Variants in NPEPPS observed in about 807,000 individuals in gnomAD.
The protein encoded by NPEPPS is puromycin-sensitive aminopeptidase.
A neutral mutation model predicts 115.5 loss-of-function variants in NPEPPS; 14 were observed. The observed-to-expected ratio is 0.12, with a 90% CI of 0.08 to 0.19. The LOEUF is 0.19. Among genes scored for constraint, NPEPPS ranks in the 10% least tolerant of loss-of-function variants. The pLI, the probability that NPEPPS is intolerant of heterozygous loss-of-function variation, is 1.00. For missense variants in NPEPPS, 523 were observed against 1,110.8 expected, an observed-to-expected ratio of 0.47 and a Z score of 7.52; for synonymous variants, 285 against 390.6, an observed-to-expected ratio of 0.73 and a Z score of 3.19.
chr17:47,615,043 TACCCATG>T (rs1914105242), intron 19 of NPEPPS, among the ~76,000 whole-genome samples: 1 of 151,610 alleles, frequency 6.6e-6, no homozygotes, highest in East Asian at 1.9e-4. Context: ...TGTACTGCTT[TACCCATG>T]TTGTAATAGG....
chr17:47,552,805 T>C (rs1909739592), intron 2 of NPEPPS, among the ~76,000 whole-genome samples: 1 of 152,194 alleles, frequency 6.6e-6, no homozygotes, highest in Admixed American at 6.6e-5. Flanking sequence ...TTAATAGTGA[T>C]AATTATAAAA....
chr17:47,535,242 C>CAAAA lies in NPEPPS; in HGVS notation c.255+3711_255+3714dup, dbSNP rs1163530675. 8.2e-4 allele frequency among the ~76,000 whole-genome samples: 47 copies of CAAAA among 57,108 alleles called. 1 individual carries two copies. The highest frequency in any genetic ancestry group is 5.8e-3 in the East Asian group (10 of 1,732). The allele number at this position is 57,108 out of a possible 152,430, so 37.5% of individuals were successfully genotyped here. A position where few individuals can be genotyped will look rare whatever the true frequency, so the allele number is the denominator to read the frequency against. On this transcript the variant is annotated intron_variant, in intron 1 of 22. Coordinates refer to ENST00000322157, the MANE Select transcript of NPEPPS (RefSeq NM_006310.4). ...TGGGCAACAGAGCAAGACTCTGTCTCAAAAAAAAAAAAAAAAAAAAAAAAA... is the reference window on the plus strand; with the variant it reads ...TGGGCAACAGAGCAAGACTCTGTCTCAAAAAAAAAAAAAAAAAAAAAAAAAAAAA...
At chr17:47,536,388 C>CTTTTT (rs749380530) in intron 1 of NPEPPS, among the ~76,000 whole-genome samples, 99 of 69,930 alleles carry the variant, frequency 1.4e-3, no homozygotes, top group Non-Finnish European at 2.3e-3. Context: ...TATTTTCTCT[C>CTTTTT]TTTTTTTTTT....
chr17:47,622,927 A>G lies in NPEPPS; in HGVS notation c.*1007A>G. The G allele has an allele frequency of 2.2e-6, 1 of 456,044 alleles. No homozygotes were observed. Among genetic ancestry groups the G allele is most frequent in the South Asian group, 1.5e-5 (1 of 64,564 alleles). The allele number at this position is 456,044 out of a possible 1,614,324, so 28.2% of individuals were successfully genotyped here. A position where few individuals can be genotyped will look rare whatever the true frequency, so the allele number is the denominator to read the frequency against. Reference sequence around the variant, plus strand: ...TTATGCGTGCGAGAAGTCAGTGGTAACTGCTGCAGGGCTTAATACATTAGT... The same window carrying G: ...TTATGCGTGCGAGAAGTCAGTGGTAGCTGCTGCAGGGCTTAATACATTAGT... On this transcript the variant is annotated 3_prime_UTR_variant, in exon 23 of 23. Transcript: ENST00000322157.
intron 1 of NPEPPS, among the ~76,000 whole-genome samples, chr17:47,534,165 C>T (rs1055731478): frequency 2.0e-5 from 3 of 151,950 alleles, no homozygotes; most frequent in South Asian, 2.1e-4. Context: ...GATCTCGCCT[C>T]ACTGCAAGCT....
intron 12 of NPEPPS, chr17:47,592,764 T>C (rs1912589469): frequency 2.2e-6 from 1 of 452,650 alleles, no homozygotes; most frequent in Non-Finnish European, 4.1e-6. Context: ...TTCTTTCTTT[T>C]TTTTAATTAA....
At chr17:47,600,949 G>T (rs1443450649) in intron 14 of NPEPPS, among the ~76,000 whole-genome samples, 2 of 152,120 alleles carry the variant, frequency 1.3e-5, no homozygotes, top group African/African-American at 2.4e-5. Context: ...AAGGCTGGGC[G>T]CAGTGGCTTA....
chr17:47,606,655 C>T (rs1156590900), intron 17 of NPEPPS, among the ~76,000 whole-genome samples: 1 of 151,992 alleles, frequency 6.6e-6, no homozygotes, highest in Non-Finnish European at 1.5e-5. Flanking sequence ...GTTGGCCAGG[C>T]TGGTCTTGAA....
intron 2 of NPEPPS, among the ~76,000 whole-genome samples, chr17:47,550,222 C>T (rs1463261637): frequency 6.6e-6 from 1 of 151,914 alleles, no homozygotes; most frequent in South Asian, 2.1e-4. Flanking sequence ...TGTGAGCCAC[C>T]GTGCCTAGCC....
intron 2 of NPEPPS, among the ~76,000 whole-genome samples, chr17:47,550,931 T>C (rs1393702082): frequency 1.3e-5 from 2 of 152,064 alleles, no homozygotes; most frequent in East Asian, 3.9e-4. Flanking sequence ...CCCGGCCCAG[T>C]TATACCAGAT....
intron 1 of NPEPPS, among the ~76,000 whole-genome samples, chr17:47,544,018 C>T (rs1332486306): frequency 2.8e-4 from 42 of 152,160 alleles, no homozygotes; most frequent in African/African-American, 1.0e-3. Flanking sequence ...CCTCAGCCTC[C>T]CGAGTAGCTG....
chr17:47,523,885 T>C (rs968122683), intron 1 of NPEPPS, among the ~76,000 whole-genome samples: 1 of 152,216 alleles, frequency 6.6e-6, no homozygotes, highest in Non-Finnish European at 1.5e-5. Flanking sequence ...ATATTGAAAC[T>C]ATTTCTTTTT....
intron 3 of NPEPPS, among the ~76,000 whole-genome samples, chr17:47,573,350 A>C (rs1173220557): frequency 6.6e-6 from 1 of 152,206 alleles, no homozygotes; most frequent in Non-Finnish European, 1.5e-5. Flanking sequence ...GTGGAAACTT[A>C]GACTCTAATG....
Position 47,556,804 on chromosome 17 carries a change from C to T in NPEPPS, c.340+10811C>T, listed in dbSNP as rs1341559973. On this transcript the variant is annotated intron_variant, in intron 2 of 22. Transcript: ENST00000322157. ...GACTACAGATGTAGGCCACCACGCC[C>T]GGCTAATTTTTGTATTTTTAGTAGA... 6.6e-5 allele frequency among the ~76,000 whole-genome samples: 10 copies of T among 152,250 alleles called. No individual in the cohort carries two copies. The East Asian group carries it at 9.7e-4, about 15-fold the overall frequency.
chr17:47,563,039 G>T (rs11868058), intron 2 of NPEPPS, among the ~76,000 whole-genome samples: 74,589 of 146,534 alleles, frequency 0.51, 19,336 homozygotes, highest in East Asian at 0.66. Context: ...TGTTTGTTTT[G>T]TTTTTTTTTT....
At position 47,579,417 on chromosome 17, in the gene NPEPPS, T is replaced by C; in HGVS notation, c.446T>C (p.Val149Ala). Residue 149 changes from valine (V) to alanine (A), a missense_variant, in exon 4 of 23, where the codon GTT becomes GCT. Physicochemically the swap from Val to Ala is moderately conservative, Grantham distance 64. Coordinates refer to ENST00000322157, the MANE Select transcript of NPEPPS (RefSeq NM_006310.4). ...TGTGTLKIDF[V>A]GELNDKMKGF... ...ACGGGAACCTTAAAGATAGATTTTG[T>C]TGGAGAGCTGAATGACAAAATGAAA... 6.2e-7 allele frequency: 1 copy of C among 1,611,402 alleles called. No homozygotes were observed. Among genetic ancestry groups the C allele is most frequent in the Non-Finnish European group, 8.5e-7 (1 of 1,178,696 alleles).
At chr17:47,585,748 T>C in intron 6 of NPEPPS, 48 bp downstream of exon 6, 1 of 1,380,516 alleles carries the variant, frequency 7.2e-7, no homozygotes, top group South Asian at 1.2e-5. Context: ...AACTCCAGGT[T>C]GGGGAATTTA....
chr17:47,561,346 C>CAAAA (rs71365075), intron 2 of NPEPPS, among the ~76,000 whole-genome samples: 5 of 60,726 alleles, frequency 8.2e-5, no homozygotes, highest in East Asian at 4.7e-4. Flanking sequence ...GACCCTGTCT[C>CAAAA]AAAAAAAAAA....
At chr17:47,588,049 A>G (rs1031270282) in intron 9 of NPEPPS, among the ~76,000 whole-genome samples, 14 of 151,926 alleles carry the variant, frequency 9.2e-5, no homozygotes, top group Non-Finnish European at 1.5e-4. Flanking sequence ...ATAACTGGAT[A>G]TTCTGGAGCC....
Sources: allele counts gnomAD v4.1 joint callset (sites outside exome capture counted in the v4.1 genomes callset), GRCh38; gene constraint gnomAD v4.1.1; transcripts MANE v1.5; gene names NCBI Gene and HGNC (gene_info 2026-07-23, HGNC 2026-07-21).